Variants in CPD observed in about 807,000 individuals in gnomAD.
CPD encodes the protein carboxypeptidase D.
A neutral mutation model predicts 138.3 loss-of-function variants in CPD; 69 were observed. The observed-to-expected ratio is 0.50, with a 90% CI of 0.41 to 0.61. The LOEUF is 0.61. Ranked by LOEUF, CPD falls within the 20% of genes least tolerant of loss-of-function variation. CPD has a pLI of 0.00. For missense variants in CPD, 1,432 were observed against 1,733.3 expected, an observed-to-expected ratio of 0.83 and a Z score of 3.09; for synonymous variants, 651 against 642.1, an observed-to-expected ratio of 1.01 and a Z score of -0.21.
intron 2 of CPD, among the ~76,000 whole-genome samples, chr17:30,420,362 C>T (rs904749294): frequency 6.6e-6 from 1 of 152,200 alleles, no homozygotes; most frequent in Non-Finnish European, 1.5e-5. Context: ...CATGAATATG[C>T]TTCACAACTT....
intron 8 of CPD, among the ~76,000 whole-genome samples, chr17:30,434,210 G>A (rs932345777): frequency 1.3e-5 from 2 of 152,186 alleles, no homozygotes; most frequent in African/African-American, 2.4e-5. Flanking sequence ...AATATAAAAC[G>A]ACTTAAAAAC....
chr17:30,387,224 TCTCCAGCCTCAGC>T (rs1368070820), intron 2 of CPD, among the ~76,000 whole-genome samples: 1 of 152,214 alleles, frequency 6.6e-6, no homozygotes, highest in African/African-American at 2.4e-5. Flanking sequence ...TTCAAGTGAT[TCTCCAGCCTCAGC>T]CTCCCAAGTA....
chr17:30,380,626 T>C, intron 1 of CPD: 1 of 1,515,158 alleles, frequency 6.6e-7, no homozygotes, highest in Non-Finnish European at 8.8e-7. Flanking sequence ...CAAGAGAATG[T>C]TATAAATATT....
At chr17:30,385,669 G>T (rs561152145) in intron 2 of CPD, among the ~76,000 whole-genome samples, 3 of 151,762 alleles carry the variant, frequency 2.0e-5, no homozygotes, top group Non-Finnish European at 4.4e-5. Context: ...CCATAACTGA[G>T]AAATCAATGA....
intron 2 of CPD, among the ~76,000 whole-genome samples, chr17:30,419,588 G>A (rs547155912): frequency 9.9e-5 from 15 of 152,212 alleles, no homozygotes; most frequent in South Asian, 4.1e-4. Context: ...CAATCTGCCC[G>A]CCTCCACCTC....
At chr17:30,419,917 C>T (rs769626427) in intron 2 of CPD, among the ~76,000 whole-genome samples, 2 of 152,166 alleles carry the variant, frequency 1.3e-5, no homozygotes, top group African/African-American at 4.8e-5. Flanking sequence ...TCTGAAGGAT[C>T]CTGTGTGACA....
intron 8 of CPD, among the ~76,000 whole-genome samples, chr17:30,438,742 G>C (rs1238073209): frequency 6.6e-6 from 1 of 152,034 alleles, no homozygotes; most frequent in African/African-American, 2.4e-5. Context: ...TTCTTACGGA[G>C]CACATTGTAT....
At position 30,421,773 on chromosome 17, in the gene CPD, T is replaced by G. The variant is rs201240868; in HGVS notation, c.1247T>G (p.Phe416Cys). 7.4e-6 allele frequency: 12 copies of G among 1,613,806 alleles called. No homozygotes were observed. The highest frequency in any genetic ancestry group is 1.7e-5 in the Admixed American group (1 of 60,008). ...AATCATAATATCACAACAGGCAGAT[T>G]TGGTGATTTCTACCGATTACTTGTT... ...GINHNITTGRFGDFYRLLVPG... is the reference protein window; with the variant it reads ...GINHNITTGRCGDFYRLLVPG... Residue 416 changes from phenylalanine to cysteine, a missense_variant, in exon 4 of 21, where the codon TTT becomes TGT. Phe to Cys is a radical substitution (Grantham distance 205). Transcript: ENST00000225719.
chr17:30,427,175 C>G (rs552452513), intron 6 of CPD, among the ~76,000 whole-genome samples: 1 of 148,528 alleles, frequency 6.7e-6, no homozygotes, highest in Non-Finnish European at 1.5e-5. Context: ...GAGTGAGACT[C>G]CATCTCAAAA....
chr17:30,457,430 G>T (rs942978938), intron 17 of CPD, among the ~76,000 whole-genome samples: 8 of 152,068 alleles, frequency 5.3e-5, no homozygotes, highest in Non-Finnish European at 1.2e-4. Context: ...TGGTATTGCA[G>T]GTATCTGTTT....
At chr17:30,436,752 A>C (rs1441469418) in intron 8 of CPD, among the ~76,000 whole-genome samples, 1 of 152,248 alleles carries the variant, frequency 6.6e-6, no homozygotes. Context: ...ATGACCCAGC[A>C]TTCCACTGCT....
intron 2 of CPD, among the ~76,000 whole-genome samples, chr17:30,396,891 A>G (rs1326472467): frequency 2.0e-5 from 3 of 150,870 alleles, no homozygotes; most frequent in Non-Finnish European, 4.4e-5. Context: ...CAGTTTTCAT[A>G]CGTATTCTTT....
intron 2 of CPD, among the ~76,000 whole-genome samples, chr17:30,416,544 A>G (rs1183912580): frequency 1.3e-5 from 2 of 152,100 alleles, no homozygotes; most frequent in East Asian, 3.9e-4. Context: ...GCTGTTTATG[A>G]TGTTGTTTTG....
intron 2 of CPD, among the ~76,000 whole-genome samples, chr17:30,397,106 G>A (rs922577402): frequency 1.3e-5 from 2 of 152,014 alleles, no homozygotes; most frequent in Non-Finnish European, 2.9e-5. Flanking sequence ...AGTACCATAA[G>A]AGCATCACCC....
chr17:30,459,377 C>T (rs562619992), intron 17 of CPD, among the ~76,000 whole-genome samples: 1 of 150,702 alleles, frequency 6.6e-6, no homozygotes, highest in Non-Finnish European at 1.5e-5. Flanking sequence ...TATCCCTCCC[C>T]CGACCCCACA....
At chr17:30,396,865 CTTAATT>C (rs999956594) in intron 2 of CPD, among the ~76,000 whole-genome samples, 33 of 151,182 alleles carry the variant, frequency 2.2e-4, no homozygotes, top group Non-Finnish European at 4.4e-5. Flanking sequence ...CTCTCTCTCT[CTTAATT>C]TTTAGATCTC....
At position 30,379,656 on chromosome 17, in the gene CPD, A is replaced by G. The variant is rs753491322; in HGVS notation, c.676A>G (p.Thr226Ala). Reference sequence around the variant, plus strand: ...CCGAAGCTTTCCCGACCAGTTTAGCACCGGCGAACCCCCCGCCCTGGACGA... The same window carrying G: ...CCGAAGCTTTCCCGACCAGTTTAGCGCCGGCGAACCCCCCGCCCTGGACGA... ...LNRSFPDQFS[T>A]GEPPALDEVP... is the part of the protein sequence containing the mutation. The change falls in exon 1 of 21, where the codon ACC (threonine) becomes GCC (alanine). Residue 226 changes from threonine (T) to alanine (A), a missense_variant. By Grantham distance (58) the Thr-to-Ala change is moderately conservative. Coordinates refer to ENST00000225719, the MANE Select transcript of CPD (RefSeq NM_001304.5). This position sits in a 1 kb window ranked among gnomAD's most constrained non-coding sequence, Gnocchi z 7.0. The G allele has an allele frequency of 1.1e-5, 16 of 1,523,522 alleles. No individual in the cohort carries two copies. The African/African-American group carries it at 2.2e-4, about 21-fold the overall frequency. The allele number at this position is 1,523,522 out of a possible 1,614,324, so 94.4% of individuals were successfully genotyped here. A position where few individuals can be genotyped will look rare whatever the true frequency, so the allele number is the denominator to read the frequency against.
At chr17:30,461,736 C>T (rs926714875) in intron 18 of CPD, 141 bp from the exon 19 acceptor site, 8 of 625,802 alleles carry the variant, frequency 1.3e-5, no homozygotes, top group African/African-American at 1.8e-5. Flanking sequence ...AAGAAGCAGG[C>T]CATACAGAGT....
intron 6 of CPD, among the ~76,000 whole-genome samples, chr17:30,424,270 T>A (rs1050328914): frequency 8.5e-5 from 13 of 152,244 alleles, no homozygotes; most frequent in Non-Finnish European, 1.2e-4. Flanking sequence ...AGTTTGATCA[T>A]GCAGATGAAG....
Sources: gnomAD v4.1 joint callset for allele counts (sites outside exome capture counted in the v4.1 genomes callset) on GRCh38, gnomAD v4.1.1 for gene constraint, Gnocchi (gnomAD v3.1) non-coding constraint, MANE v1.5 for transcripts, NCBI Gene and HGNC (gene_info 2026-07-23, HGNC 2026-07-21) for gene names.